Variants in KIF21A observed in about 807,000 individuals in gnomAD.
KIF21A encodes the protein kinesin-like protein KIF21A.
In KIF21A, 114 loss-of-function variants were observed where a neutral mutation model predicts 202.9. That is an observed-to-expected ratio of 0.56 (90% CI 0.48 to 0.66). The LOEUF (loss-of-function observed/expected upper bound fraction) is 0.66, where lower values mean the gene tolerates loss of function less well. KIF21A is among the 30% of genes least tolerant of loss of function. The pLI, the probability that KIF21A is intolerant of heterozygous loss-of-function variation, is 0.00. For missense variants in KIF21A, 1,677 were observed against 1,994.9 expected, an observed-to-expected ratio of 0.84 and a Z score of 3.04; for synonymous variants, 667 against 670.8, an observed-to-expected ratio of 0.99 and a Z score of 0.09.
intron 12 of KIF21A, among the ~76,000 whole-genome samples, chr12:39,344,154 T>C (rs996589656): frequency 2.0e-5 from 3 of 152,158 alleles, no homozygotes; most frequent in Admixed American, 6.5e-5. Flanking sequence ...ACTCTTATGA[T>C]AAACAAGAAA....
rs768395970 is a variant in KIF21A, at chr12:39,367,161, T to G, written c.604A>C (p.Met202Leu). Residue 202 changes from methionine to leucine, a missense_variant, in exon 5 of 38, where the codon ATG becomes CTG. Around this residue, in one of 3 missense-constraint regions of KIF21A, gnomAD observed 966 missense variants for 1,180.9 expected, o/e 0.82. Transcript: ENST00000361418. ...AAAGCACCCAACTTCAAACACTGCATCATCTGAAAAAGGGGAAGAAACAAG... is the reference window on the plus strand; with the variant it reads ...AAAGCACCCAACTTCAAACACTGCAGCATCTGAAAAAGGGGAAGAAACAAG... Reference protein sequence around the residue: ...TRTVNTESEMMQCLKLGALSR... With the variant: ...TRTVNTESEMLQCLKLGALSR... The G allele has an allele frequency of 1.2e-6, 2 of 1,613,694 alleles. No homozygotes were observed. The highest frequency in any genetic ancestry group is 8.5e-7 in the Non-Finnish European group (1 of 1,179,850).
At chr12:39,304,687 G>A in intron 35 of KIF21A, 134 bp downstream of exon 35, 1 of 630,216 alleles carries the variant, frequency 1.6e-6, no homozygotes, top group South Asian at 1.9e-5. Context: ...TATGAATGAG[G>A]AAAAGATTAA....
intron 1 of KIF21A, among the ~76,000 whole-genome samples, chr12:39,440,717 G>A (rs185323446): frequency 6.6e-6 from 1 of 152,308 alleles, no homozygotes; most frequent in East Asian, 1.9e-4. Context: ...AGAGAACAAT[G>A]TATTTAATGA....
chr12:39,366,926 A>G, intron 5 of KIF21A, 104 bp downstream of exon 5: 1 of 1,084,498 alleles, frequency 9.2e-7, no homozygotes, highest in Non-Finnish European at 1.4e-6. Flanking sequence ...AGAAAAAGGA[A>G]TGACTAAATG....
chr12:39,346,432 A>T (rs1947897690), intron 12 of KIF21A, 34 bp downstream of exon 12: 1 of 1,427,176 alleles, frequency 7.0e-7, no homozygotes, highest in South Asian at 1.5e-5. Context: ...TATTTAAACG[A>T]CATTTTAATA....
chr12:39,374,779 C>T (rs1464446587), intron 1 of KIF21A, among the ~76,000 whole-genome samples: 1 of 152,124 alleles, frequency 6.6e-6, no homozygotes, highest in African/African-American at 2.4e-5. Flanking sequence ...TGTCTGTTTT[C>T]TAATCTATGA....
chr12:39,349,339 C>A (rs1256154283), intron 11 of KIF21A, among the ~76,000 whole-genome samples: 1 of 151,996 alleles, frequency 6.6e-6, no homozygotes, highest in Non-Finnish European at 1.5e-5. Flanking sequence ...AAAAATCAGT[C>A]CAAAGTTTCA....
rs11171704 is a variant in KIF21A at position 39,310,977 on chromosome 12, A to G, written c.4096+440T>C. Among the ~76,000 whole-genome samples the G allele has an allele frequency of 6.0e-3, 915 of 152,196 alleles. 12 individuals are homozygous for G. The highest frequency in any genetic ancestry group is 0.021 in the African/African-American group (867 of 41,574). On this transcript the variant is annotated intron_variant, in intron 32 of 37. Coordinates refer to ENST00000361418, the MANE Select transcript of KIF21A (RefSeq NM_001173464.2). The stretch of plus-strand genomic sequence containing the variant: ...TTTGTTTACAAAATGAGGATGCAAC[A>G]TGTATCTCATTGAGATTGTTGTGAG...
chr12:39,356,763 A>T, intron 10 of KIF21A, 69 bp downstream of exon 10: 1 of 775,622 alleles, frequency 1.3e-6, no homozygotes, highest in Admixed American at 1.9e-5. Flanking sequence ...CCCAACAAAC[A>T]GAAATATTAT....
At chr12:39,356,349 T>C (rs1467042101) in intron 10 of KIF21A, among the ~76,000 whole-genome samples, 1 of 152,188 alleles carries the variant, frequency 6.6e-6, no homozygotes, top group Non-Finnish European at 1.5e-5. Context: ...GTGTGGCATG[T>C]TGTATGAAAT....
chr12:39,403,527 T>A (rs934771666), intron 1 of KIF21A, among the ~76,000 whole-genome samples: 1 of 152,210 alleles, frequency 6.6e-6, no homozygotes, highest in African/African-American at 2.4e-5. Flanking sequence ...AAGACTTATG[T>A]TCTAGTGAAT....
chr12:39,319,652 A>G (rs979137041), intron 28 of KIF21A, among the ~76,000 whole-genome samples: 1 of 152,190 alleles, frequency 6.6e-6, no homozygotes, highest in African/African-American at 2.4e-5. Context: ...AAAATGATAT[A>G]CACAAATAAC....
intron 1 of KIF21A, among the ~76,000 whole-genome samples, chr12:39,406,298 A>G (rs1038409444): frequency 1.3e-5 from 2 of 152,218 alleles, no homozygotes; most frequent in African/African-American, 4.8e-5. Context: ...GTGGGTAACT[A>G]TAACATTGTA....
At chr12:39,435,888 A>G (rs901725495) in intron 1 of KIF21A, among the ~76,000 whole-genome samples, 3 of 152,222 alleles carry the variant, frequency 2.0e-5, no homozygotes, top group Non-Finnish European at 4.4e-5. Context: ...GGTTGTTGTG[A>G]AAGCATTAAT....
At chr12:39,387,161 T>TACACACACACACAC (rs3036323) in intron 1 of KIF21A, among the ~76,000 whole-genome samples, 55 of 138,238 alleles carry the variant, frequency 4.0e-4, no homozygotes, top group African/African-American at 1.4e-3. Context: ...ATGCAGTAGT[T>TACACACACACACAC]ACACACACAC....
chr12:39,333,551 C>A (rs900706875), intron 17 of KIF21A, among the ~76,000 whole-genome samples: 1 of 152,070 alleles, frequency 6.6e-6, no homozygotes, highest in Non-Finnish European at 1.5e-5. Flanking sequence ...TTACTATGTG[C>A]AAGTACTTTT....
Position 39,369,714 on chromosome 12 carries a change from A to C in KIF21A, c.450+15T>G. The C allele has an allele frequency of 6.2e-7, 1 of 1,604,528 alleles. No individual in the cohort carries two copies. Among genetic ancestry groups the C allele is most frequent in the South Asian group, 1.1e-5 (1 of 90,412 alleles). ...CAAAATTTAAAAGAAATTAATGCCA[A>C]AATTGGATTATTACCTCTAAGAATT... On this transcript the variant is annotated intron_variant, in intron 3 of 37. Coordinates refer to ENST00000361418, the MANE Select transcript of KIF21A (RefSeq NM_001173464.2).
intron 1 of KIF21A, among the ~76,000 whole-genome samples, chr12:39,432,281 T>C (rs572874239): frequency 2.9e-4 from 44 of 152,296 alleles, no homozygotes; most frequent in Non-Finnish European, 3.5e-4. Context: ...TAAATATCAA[T>C]ATATCTTTTT....
At chr12:39,392,975 T>C (rs968030034) in intron 1 of KIF21A, among the ~76,000 whole-genome samples, 21 of 145,990 alleles carry the variant, frequency 1.4e-4, no homozygotes, top group Admixed American at 4.2e-4. Flanking sequence ...TGTGGGAAAA[T>C]ATATACTATA....
Sources: allele counts gnomAD v4.1 joint callset (sites outside exome capture counted in the v4.1 genomes callset), GRCh38; gene constraint gnomAD v4.1.1; regional missense constraint gnomAD v4.1.1; transcripts MANE v1.5; gene names NCBI Gene and HGNC (gene_info 2026-07-23, HGNC 2026-07-21).